Variants in RGS9 observed in about 807,000 individuals in gnomAD.
RGS9 encodes regulator of G protein signaling 9.
In RGS9, 78 loss-of-function variants were observed where a neutral mutation model predicts 102.0. That is an observed-to-expected ratio of 0.76 (90% CI 0.64 to 0.92). RGS9 has a LOEUF of 0.92. Ranked by LOEUF, RGS9 falls within the 40% of genes least tolerant of loss-of-function variation. The pLI, the probability that RGS9 is intolerant of heterozygous loss-of-function variation, is 0.00. For missense variants in RGS9, 833 were observed against 866.1 expected (o/e 0.96, Z 0.48); for synonymous variants, 353 against 318.6 (o/e 1.11, Z -1.15).
At chr17:65,163,123 T>C (rs750591602) in intron 7 of RGS9, 34 bp downstream of exon 7, 1 of 1,082,950 alleles carries the variant, frequency 9.2e-7, no homozygotes, top group African/African-American at 1.6e-5. Context: ...GTCCTCTCGG[T>C]GTCTTTCCTC....
At chr17:65,145,336 C>G (rs140055219) in intron 1 of RGS9, among the ~76,000 whole-genome samples, 3 of 151,382 alleles carry the variant, frequency 2.0e-5, no homozygotes, top group Non-Finnish European at 2.9e-5. Flanking sequence ...CATGATCCAC[C>G]GGCCTTGGTT....
intron 2 of RGS9, among the ~76,000 whole-genome samples, chr17:65,153,721 C>T (rs563907302): frequency 6.6e-6 from 1 of 151,890 alleles, no homozygotes; most frequent in South Asian, 2.1e-4. Context: ...GAAACCTTGT[C>T]TCTATTAAAA....
rs1463915818 is a variant in RGS9 at position 65,215,717 on chromosome 17, C to T, written c.1407+5112C>T. 8.5e-5 allele frequency among the ~76,000 whole-genome samples: 13 copies of T among 152,086 alleles called. No homozygotes were observed. In the East Asian group the frequency reaches 1.7e-3, roughly 20 times the overall value. On this transcript the variant is annotated intron_variant, in intron 17 of 18. Coordinates refer to ENST00000262406, the MANE Select transcript of RGS9 (RefSeq NM_003835.4). The stretch of plus-strand genomic sequence containing the variant: ...CTGGGATTACAGGCACCCACCACCA[C>T]GCCTGGCTAATTTTTGTATTTTCAG...
intron 3 of RGS9, chr17:65,158,563 G>T: frequency 1.6e-6 from 1 of 619,924 alleles, no homozygotes; most frequent in South Asian, 1.8e-5. Context: ...ATAAATAACA[G>T]GGATAAGTGG....
intron 1 of RGS9, among the ~76,000 whole-genome samples, chr17:65,146,510 C>T (rs1032300442): frequency 6.6e-6 from 1 of 151,078 alleles, no homozygotes; most frequent in Admixed American, 6.6e-5. Flanking sequence ...ATCGCTTGAA[C>T]CTGGGAGGCG....
intron 18 of RGS9, 41 bp from the exon 19 acceptor site, chr17:65,227,234 C>T (rs2144139417): frequency 7.4e-6 from 12 of 1,613,728 alleles, no homozygotes; most frequent in Non-Finnish European, 1.0e-5. Context: ...GTCCCTCCTG[C>T]CCCTGCCCCT....
At chr17:65,147,488 T>C (rs926779475) in intron 1 of RGS9, among the ~76,000 whole-genome samples, 2 of 151,966 alleles carry the variant, frequency 1.3e-5, no homozygotes, top group Non-Finnish European at 2.9e-5. Context: ...TCAGGCTGCC[T>C]GAGTGACAGG....
intron 8 of RGS9, 82 bp from the exon 9 acceptor site, chr17:65,177,649 TG>T (rs1419660707): frequency 3.2e-5 from 42 of 1,309,102 alleles, no homozygotes; most frequent in Non-Finnish European, 4.7e-5. Flanking sequence ...ATCTCACAAT[TG>T]GCAGATTAAC....
At chr17:65,205,010 T>C (rs765472085) in intron 15 of RGS9, among the ~76,000 whole-genome samples, 39 of 152,134 alleles carry the variant, frequency 2.6e-4, no homozygotes, top group Admixed American at 1.3e-4. Context: ...GCGTAGTGTC[T>C]AGGAGAGACA....
chr17:65,192,877 A>C (rs1331144721), intron 11 of RGS9, among the ~76,000 whole-genome samples: 1 of 152,158 alleles, frequency 6.6e-6, no homozygotes. Flanking sequence ...TTGGGCTTCT[A>C]AGATGGGTGC....
chr17:65,181,376 T>C (rs1911878316), intron 9 of RGS9, among the ~76,000 whole-genome samples: 1 of 152,224 alleles, frequency 6.6e-6, no homozygotes, highest in South Asian at 2.1e-4. Context: ...TGATTTGCAT[T>C]TCGAGAATGA....
At chr17:65,146,394 C>T (rs928777633) in intron 1 of RGS9, among the ~76,000 whole-genome samples, 3 of 150,522 alleles carry the variant, frequency 2.0e-5, no homozygotes, top group Non-Finnish European at 4.4e-5. Context: ...TCAAGACCAT[C>T]CTGGCAAACC....
intron 17 of RGS9, among the ~76,000 whole-genome samples, chr17:65,220,480 T>A (rs1334997019): frequency 6.6e-6 from 1 of 152,132 alleles, no homozygotes; most frequent in Admixed American, 6.5e-5. Context: ...TGTGCTAGAC[T>A]GTGTCAAATG....
intron 2 of RGS9, 42 bp from the exon 3 acceptor site, chr17:65,158,253 A>G (rs1322441749): frequency 2.5e-6 from 4 of 1,592,904 alleles, no homozygotes; most frequent in East Asian, 2.2e-5. Context: ...GGGATGTGTC[A>G]GGAGGCTATG....
chr17:65,151,400 T>A (rs1910575367), intron 1 of RGS9, among the ~76,000 whole-genome samples: 1 of 150,236 alleles, frequency 6.7e-6, no homozygotes, highest in South Asian at 2.1e-4. Context: ...TTTTTTCAAG[T>A]GGGAAATAAT....
chr17:65,166,537 C>T (rs1450096576), intron 7 of RGS9, among the ~76,000 whole-genome samples: 1 of 152,150 alleles, frequency 6.6e-6, no homozygotes, highest in Non-Finnish European at 1.5e-5. Context: ...CATGAATGAA[C>T]GAATGAATGA....
chr17:65,183,111 C>CCATCTAT (rs1911962845), intron 9 of RGS9, among the ~76,000 whole-genome samples: 1 of 78,296 alleles, frequency 1.3e-5, no homozygotes, highest in African/African-American at 1.4e-4. Context: ...TATCTATCTA[C>CCATCTAT]CTACCTACCT....
chr17:65,152,874 T>C (rs1434786437), intron 1 of RGS9, among the ~76,000 whole-genome samples: 1 of 152,200 alleles, frequency 6.6e-6, no homozygotes, highest in Non-Finnish European at 1.5e-5. Context: ...TTTGAATAGG[T>C]CACTGCACTT....
intron 1 of RGS9, among the ~76,000 whole-genome samples, chr17:65,143,580 G>A (rs1191587609): frequency 2.0e-5 from 3 of 152,042 alleles, no homozygotes; most frequent in Non-Finnish European, 2.9e-5. Context: ...CCAGGTGTTC[G>A]AGACTAGCCT....
Sources: gnomAD v4.1 joint callset for allele counts (sites outside exome capture counted in the v4.1 genomes callset) on GRCh38, gnomAD v4.1.1 for gene constraint, MANE v1.5 for transcripts, NCBI Gene and HGNC (gene_info 2026-07-23, HGNC 2026-07-21) for gene names.